The following RBFOX1 variants were observed in gnomAD, a reference collection of about 807,000 sequenced individuals.
RBFOX1 encodes RNA binding protein fox-1 homolog 1.
Under a neutral mutation model 57.7 loss-of-function variants are expected in RBFOX1, and 8 were observed. The ratio of observed to expected loss-of-function variants is 0.14; its 90% CI spans 0.08 to 0.25. The LOEUF is 0.25. Ranked by LOEUF, RBFOX1 falls within the 10% of genes least tolerant of loss-of-function variation. RBFOX1 has a pLI of 1.00. For synonymous variants in RBFOX1, 326 were observed against 222.4 expected (o/e 1.47, Z -4.15); for missense variants, 611 against 548.5 (o/e 1.11, Z -1.14).
intron 2 of RBFOX1, among the ~76,000 whole-genome samples, chr16:6,584,341 A>ATTATTG (rs2097576526): frequency 6.5e-5 from 1 of 15,470 alleles, no homozygotes; most frequent in Non-Finnish European, 1.1e-4. Context: ...TTTTATTTTC[A>ATTATTG]TTATTATTAT....
chr16:7,106,077 C>A (rs376858429), intron 4 of RBFOX1, among the ~76,000 whole-genome samples: 2 of 152,136 alleles, frequency 1.3e-5, no homozygotes, highest in African/African-American at 4.8e-5. Flanking sequence ...TTCAGTACCC[C>A]CACCTCCTGT....
chr16:6,264,623 A>G (rs555652671), intron 1 of RBFOX1, among the ~76,000 whole-genome samples: 1 of 150,930 alleles, frequency 6.6e-6, no homozygotes, highest in South Asian at 2.1e-4. Flanking sequence ...TTTTGCTCAT[A>G]CTCTCCCCAC....
intron 4 of RBFOX1, among the ~76,000 whole-genome samples, chr16:7,417,556 G>GTGTGTGTC (rs879939393): frequency 1.3e-5 from 2 of 151,898 alleles, no homozygotes. Flanking sequence ...GTGTGTGTGT[G>GTGTGTGTC]TGTGTTCACT....
intron 3 of RBFOX1, among the ~76,000 whole-genome samples, chr16:6,674,668 ACT>A (rs2098789557): frequency 6.6e-6 from 1 of 152,062 alleles, no homozygotes; most frequent in African/African-American, 2.4e-5. Context: ...ACGAATGTAG[ACT>A]CACGGGGAAG....
At chr16:7,490,933 C>T (rs879177126) in intron 4 of RBFOX1, among the ~76,000 whole-genome samples, 3 of 152,164 alleles carry the variant, frequency 2.0e-5, no homozygotes, top group Non-Finnish European at 2.9e-5. Flanking sequence ...CAGTTTCAAT[C>T]TCTTATCTTC....
chr16:6,811,569 G>T (rs2088593089), intron 3 of RBFOX1, among the ~76,000 whole-genome samples: 1 of 152,168 alleles, frequency 6.6e-6, no homozygotes, highest in African/African-American at 2.4e-5. Flanking sequence ...GCGTTGGGAA[G>T]ATTAGCAACC....
chr16:7,572,297 A>C (rs1343868022), intron 5 of RBFOX1, among the ~76,000 whole-genome samples: 3 of 152,212 alleles, frequency 2.0e-5, no homozygotes, highest in Admixed American at 6.5e-5. Flanking sequence ...AGATCCAGAG[A>C]CATGAAGTGA....
intron 3 of RBFOX1, among the ~76,000 whole-genome samples, chr16:6,683,119 T>C (rs968465410): frequency 1.3e-5 from 2 of 152,122 alleles, no homozygotes; most frequent in Non-Finnish European, 2.9e-5. Flanking sequence ...ATTTATTTAA[T>C]GATGAAAGAG....
chr16:6,859,140 C>CGTATATATATACGTATATATAT (rs2058487324), intron 3 of RBFOX1, among the ~76,000 whole-genome samples: 1 of 91,526 alleles, frequency 1.1e-5, no homozygotes, highest in African/African-American at 5.5e-5. Flanking sequence ...CATATATATA[C>CGTATATATATACGTATATATAT]GTATATATAT....
At chr16:6,843,068 G>T (rs142928993) in intron 3 of RBFOX1, among the ~76,000 whole-genome samples, 34 of 152,210 alleles carry the variant, frequency 2.2e-4, no homozygotes, top group African/African-American at 7.9e-4. Context: ...ATCCTTGATG[G>T]GCATTTGGGT....
chr16:6,340,062 G>A (rs539604516), intron 2 of RBFOX1, among the ~76,000 whole-genome samples: 1 of 152,282 alleles, frequency 6.6e-6, no homozygotes. Flanking sequence ...CAAAAGGTTG[G>A]TATCTAGTGA....
chr16:7,118,942 T>C (rs530495705), intron 4 of RBFOX1, among the ~76,000 whole-genome samples: 17 of 152,218 alleles, frequency 1.1e-4, no homozygotes, highest in Admixed American at 2.6e-4. Flanking sequence ...TGTGGCAGAG[T>C]GTTTCTGTGA....
intron 1 of RBFOX1, among the ~76,000 whole-genome samples, chr16:6,308,215 A>T (rs1034757101): frequency 6.6e-6 from 1 of 151,550 alleles, no homozygotes; most frequent in Admixed American, 6.6e-5. Flanking sequence ...ATCTATTTGG[A>T]TGGTTATTAT....
rs149434871 is a variant in RBFOX1 at position 7,271,112 on chromosome 16, A to G, written c.27+219014A>G. ...AAATAGAGTGTATCACATTGTGCAC[A>G]TTTTTGAAGGATCATGAGAGCAGCC... On this transcript the variant is annotated intron_variant, in intron 4 of 15. Transcript: ENST00000550418. 3.8e-3 allele frequency among the ~76,000 whole-genome samples: 577 copies of G among 152,242 alleles called. 1 individual carries two copies. In the Middle Eastern group the frequency reaches 0.044, roughly 12 times the overall value.
chr16:6,252,608 G>GTTT (rs2097626159), intron 1 of RBFOX1, among the ~76,000 whole-genome samples: 4 of 150,218 alleles, frequency 2.7e-5, no homozygotes, highest in South Asian at 2.1e-4. Flanking sequence ...CCATGCCAAG[G>GTTT]TGTTTTGTTT....
intron 3 of RBFOX1, among the ~76,000 whole-genome samples, chr16:6,887,927 G>T (rs957079251): frequency 6.6e-6 from 1 of 152,088 alleles, no homozygotes; most frequent in Non-Finnish European, 1.5e-5. Flanking sequence ...CTCCCAAAGT[G>T]CTGGGATTAT....
chr16:6,678,128 G>GTTTT (rs1180176270), intron 3 of RBFOX1, among the ~76,000 whole-genome samples: 1 of 152,106 alleles, frequency 6.6e-6, no homozygotes, highest in Non-Finnish European at 1.5e-5. Context: ...GTTTTGTTTT[G>GTTTT]TTGTGTTGTG....
chr16:6,667,741 T>C (rs1363010384), intron 3 of RBFOX1, among the ~76,000 whole-genome samples: 2 of 152,002 alleles, frequency 1.3e-5, no homozygotes, highest in East Asian at 1.9e-4. Flanking sequence ...TATAGCCACA[T>C]AGTTAGGCAT....
Position 6,212,932 on chromosome 16 carries a change from G to A in RBFOX1, c.-126-104063G>A, listed in dbSNP as rs1036698981. Reference sequence around the variant, plus strand: ...GAAGGGCCACCTACTTAGAATAGTCGTTTTACATAAAGAGGCAGACCTGAA... The same window carrying A: ...GAAGGGCCACCTACTTAGAATAGTCATTTTACATAAAGAGGCAGACCTGAA... On this transcript the variant is annotated intron_variant, in intron 1 of 15. Coordinates refer to ENST00000550418, the MANE Select transcript of RBFOX1 (RefSeq NM_018723.4). Among the ~76,000 whole-genome samples, 11 of 152,220 alleles carry A rather than the reference G, an allele frequency of 7.2e-5. No individual in the cohort carries two copies. In the South Asian group the frequency reaches 1.0e-3, roughly 14 times the overall value.
Sources: allele counts gnomAD v4.1 joint callset (sites outside exome capture counted in the v4.1 genomes callset), GRCh38; gene constraint gnomAD v4.1.1; transcripts MANE v1.5; gene names NCBI Gene and HGNC (gene_info 2026-07-23, HGNC 2026-07-21).